The following RNF217 variants were observed in gnomAD, a reference collection of about 807,000 sequenced individuals.
The protein encoded by RNF217 is ring finger protein 217.
A neutral mutation model predicts 57.8 loss-of-function variants in RNF217; 31 were observed. The observed-to-expected ratio is 0.54, with a 90% CI of 0.40 to 0.72. The LOEUF (loss-of-function observed/expected upper bound fraction) is 0.72, where lower values mean the gene tolerates loss of function less well. Ranked by LOEUF, RNF217 falls within the 30% of genes least tolerant of loss-of-function variation. The pLI is 0.00. For synonymous variants in RNF217, 313 were observed against 294.0 expected (o/e 1.06, Z -0.66); for missense variants, 696 against 708.3 (o/e 0.98, Z 0.20).
intron 3 of RNF217, among the ~76,000 whole-genome samples, chr6:125,061,610 A>G (rs1437812803): frequency 3.3e-5 from 5 of 150,114 alleles, no homozygotes; most frequent in African/African-American, 1.2e-4. Flanking sequence ...CTTCCTTTTT[A>G]TTTGAGTGGT....
intron 1 of RNF217, chr6:125,009,544 A>G: frequency 2.7e-6 from 1 of 365,392 alleles, no homozygotes; most frequent in African/African-American, 2.1e-5. Flanking sequence ...TTATGATGAT[A>G]GGATGTTGGT....
chr6:125,012,480 AC>A (rs1213513195), intron 1 of RNF217, among the ~76,000 whole-genome samples: 1 of 152,134 alleles, frequency 6.6e-6, no homozygotes, highest in Non-Finnish European at 1.5e-5. Context: ...TGTTTATACT[AC>A]TTTGGATCTT....
chr6:124,999,751 T>C (rs1407447278), intron 1 of RNF217, among the ~76,000 whole-genome samples: 1 of 152,100 alleles, frequency 6.6e-6, no homozygotes. Context: ...AAGGAAAAAA[T>C]TATCATGGAC....
intron 2 of RNF217, among the ~76,000 whole-genome samples, chr6:125,052,988 T>A (rs868143773): frequency 1.3e-5 from 2 of 152,076 alleles, no homozygotes; most frequent in Non-Finnish European, 2.9e-5. Flanking sequence ...TGAAGTGACA[T>A]CTCTGTTCAG....
At chr6:124,990,167 C>G (rs1487041298) in intron 1 of RNF217, among the ~76,000 whole-genome samples, 2 of 152,198 alleles carry the variant, frequency 1.3e-5, no homozygotes, top group African/African-American at 2.4e-5. Context: ...TTTCTTCATT[C>G]CACACTGGAT....
At chr6:125,003,318 C>T (rs1331607580) in intron 1 of RNF217, among the ~76,000 whole-genome samples, 3 of 152,190 alleles carry the variant, frequency 2.0e-5, no homozygotes. Context: ...ATAACACTGG[C>T]TCTGGAGTCA....
chr6:124,993,505 A>G (rs1263470424), intron 1 of RNF217, among the ~76,000 whole-genome samples: 2 of 152,170 alleles, frequency 1.3e-5, no homozygotes, highest in African/African-American at 2.4e-5. Flanking sequence ...TCAGTTGCGC[A>G]AATATTCACT....
intron 2 of RNF217, chr6:125,048,165 T>A (rs1787167179): frequency 7.5e-7 from 1 of 1,331,898 alleles, no homozygotes; most frequent in Non-Finnish European, 1.0e-6. Context: ...AGGAGAGCAC[T>A]GACATGGATA....
At chr6:125,059,556 A>G (rs1787653214) in intron 3 of RNF217, among the ~76,000 whole-genome samples, 1 of 152,182 alleles carries the variant, frequency 6.6e-6, no homozygotes, top group Non-Finnish European at 1.5e-5. Flanking sequence ...AACAATTCCA[A>G]GTTAGCCTGG....
In RNF217 at chr6:125,010,840, A is replaced by G. The variant is rs566670998; in HGVS notation, c.883-34371A>G. Among the ~76,000 whole-genome samples, 65 of 152,278 alleles carry G rather than the reference A, an allele frequency of 4.3e-4. 1 individual carries two copies. Among genetic ancestry groups the G allele is most frequent in the African/African-American group, 1.5e-3 (62 of 41,572 alleles). ...AGCAGAGAGAGCTGAGGAATGATCTAAGGTCTGCCAGCTCCAAAGTCCAGC... is the reference window on the plus strand; with the variant it reads ...AGCAGAGAGAGCTGAGGAATGATCTGAGGTCTGCCAGCTCCAAAGTCCAGC... On this transcript the variant is annotated intron_variant, in intron 1 of 5. Transcript: ENST00000521654.
intron 1 of RNF217, among the ~76,000 whole-genome samples, chr6:124,977,668 C>T (rs1344622186): frequency 1.3e-5 from 2 of 152,158 alleles, no homozygotes; most frequent in Non-Finnish European, 2.9e-5. Flanking sequence ...CAGGCAGTCT[C>T]CTCACAGCCT....
rs191410683 is a variant in RNF217 at position 125,038,051 on chromosome 6, T to A, written c.883-7160T>A. 2.9e-4 allele frequency among the ~76,000 whole-genome samples: 44 copies of A among 152,336 alleles called. No individual in the cohort carries two copies. In the East Asian group the frequency reaches 8.3e-3, roughly 29 times the overall value. On this transcript the variant is annotated intron_variant, in intron 1 of 5. Coordinates refer to ENST00000521654, the MANE Select transcript of RNF217 (RefSeq NM_001286398.3). Reference sequence around the variant, plus strand: ...GTCTTCATCACCTGAGTCATTAAATTACTTTTGAGTTCTCCCAGGTGGCAA... The same window carrying A: ...GTCTTCATCACCTGAGTCATTAAATAACTTTTGAGTTCTCCCAGGTGGCAA...
chr6:125,071,112 A>T (rs1288444071), intron 3 of RNF217, among the ~76,000 whole-genome samples: 1 of 152,172 alleles, frequency 6.6e-6, no homozygotes, highest in African/African-American at 2.4e-5. Context: ...AATTAAATGT[A>T]AACAACTTGA....
In RNF217 at chr6:125,091,254, T is replaced by C. The variant is rs1261900547; in HGVS notation, c.*8317T>C. 6.6e-6 allele frequency: 1 copy of C among 152,100 alleles called. No individual in the cohort carries two copies. Among genetic ancestry groups the C allele is most frequent in the Non-Finnish European group, 1.5e-5 (1 of 67,944 alleles). 9.4% of individuals were successfully genotyped at this position (152,100 alleles called of 1,614,324 possible). On this transcript the variant is annotated 3_prime_UTR_variant, in exon 6 of 6. Coordinates refer to ENST00000521654, the MANE Select transcript of RNF217 (RefSeq NM_001286398.3). The stretch of plus-strand genomic sequence containing the variant: ...TATTCTCATTTTCCAATAGCACTAA[T>C]GTATAATCCCTTTAACCTTCCATAT...
intron 1 of RNF217, among the ~76,000 whole-genome samples, chr6:124,964,929 C>G (rs2114972449): frequency 6.6e-6 from 1 of 152,312 alleles, no homozygotes; most frequent in South Asian, 2.1e-4. Flanking sequence ...AGTAACAATT[C>G]CAGATAGCAC....
At chr6:124,981,207 T>C (rs57903248) in intron 1 of RNF217, among the ~76,000 whole-genome samples, 4,264 of 152,336 alleles carry the variant, frequency 0.028, 209 homozygotes, top group African/African-American at 0.098. Flanking sequence ...TTTAAAACAG[T>C]CATTAAATTT....
chr6:125,041,628 C>G (rs1257095044), intron 1 of RNF217, among the ~76,000 whole-genome samples: 1 of 152,034 alleles, frequency 6.6e-6, no homozygotes, highest in Non-Finnish European at 1.5e-5. Context: ...TTTGCTGTCT[C>G]TTCCCCATGT....
intron 1 of RNF217, among the ~76,000 whole-genome samples, chr6:125,003,143 C>G (rs930273069): frequency 2.0e-5 from 3 of 152,016 alleles, no homozygotes; most frequent in African/African-American, 7.3e-5. Context: ...TATTCACCTT[C>G]AGAGTTGTAA....
chr6:125,011,098 A>G (rs902389575), intron 1 of RNF217, among the ~76,000 whole-genome samples: 3 of 152,170 alleles, frequency 2.0e-5, no homozygotes, highest in African/African-American at 4.8e-5. Flanking sequence ...CAAGAATGTT[A>G]AGAAAAGAAA....
Sources: allele counts gnomAD v4.1 joint callset (sites outside exome capture counted in the v4.1 genomes callset), GRCh38; gene constraint gnomAD v4.1.1; transcripts MANE v1.5; gene names NCBI Gene and HGNC (gene_info 2026-07-23, HGNC 2026-07-21).